The following MALRD1 variants were observed in gnomAD, a reference collection of about 807,000 sequenced individuals.
MALRD1 encodes MAM and LDL-receptor class A domain-containing protein 1.
A neutral mutation model predicts 242.1 loss-of-function variants in MALRD1; 247 were observed. That is an observed-to-expected ratio of 1.02 (90% CI 0.92 to 1.13). The LOEUF (loss-of-function observed/expected upper bound fraction) is 1.13, where lower values mean the gene tolerates loss of function less well. Among genes scored for constraint, MALRD1 ranks in the 50% most tolerant of loss-of-function variants. MALRD1 has a pLI of 0.00. For missense variants in MALRD1, 2,989 were observed against 2,533.1 expected, an observed-to-expected ratio of 1.18 and a Z score of -3.86; for synonymous variants, 995 against 866.6, an observed-to-expected ratio of 1.15 and a Z score of -2.60.
At chr10:19,599,518 C>G (rs1166321300) in intron 34 of MALRD1, among the ~76,000 whole-genome samples, 1 of 152,126 alleles carries the variant, frequency 6.6e-6, no homozygotes, top group Admixed American at 6.6e-5. Context: ...ACTAGAAACA[C>G]TCTTTTCACT....
chr10:19,491,489 C>T lies in MALRD1; in HGVS notation c.5030-28C>T, dbSNP rs913703619. ...GTCTAATGAAAATATTGATGGAATA[C>T]TGCTTTTGTTTTTTTGTTTTTCCCT... On this transcript the variant is annotated intron_variant, in intron 29 of 39. Coordinates refer to ENST00000454679, the MANE Select transcript of MALRD1 (RefSeq NM_001142308.3). 5.8e-6 allele frequency: 9 copies of T among 1,545,298 alleles called. No homozygotes were observed. In the African/African-American group the frequency reaches 1.2e-4, roughly 21 times the overall value.
intron 38 of MALRD1, among the ~76,000 whole-genome samples, chr10:19,716,307 G>A (rs1210800099): frequency 6.6e-6 from 1 of 152,144 alleles, no homozygotes; most frequent in African/African-American, 2.4e-5. Flanking sequence ...AATCATGGGG[G>A]TGGAGTTTTC....
At chr10:19,616,436 G>A (rs1185039739) in intron 36 of MALRD1, among the ~76,000 whole-genome samples, 2 of 151,942 alleles carry the variant, frequency 1.3e-5, no homozygotes, top group African/African-American at 2.4e-5. Context: ...AACAAAAATA[G>A]GCGTTGTGAT....
At chr10:19,146,697 T>G (rs1017722181) in intron 11 of MALRD1, among the ~76,000 whole-genome samples, 8 of 152,242 alleles carry the variant, frequency 5.3e-5, no homozygotes, top group Non-Finnish European at 7.3e-5. Context: ...AAAAATAGTC[T>G]AATCTTGTTT....
intron 14 of MALRD1, among the ~76,000 whole-genome samples, chr10:19,184,616 T>G (rs1463808311): frequency 3.3e-5 from 5 of 152,278 alleles, no homozygotes; most frequent in South Asian, 4.1e-4. Flanking sequence ...TGGTGCGATC[T>G]TGGCTCACTG....
intron 28 of MALRD1, among the ~76,000 whole-genome samples, chr10:19,409,515 G>A (rs1429461556): frequency 6.6e-6 from 1 of 152,046 alleles, no homozygotes; most frequent in East Asian, 1.9e-4. Flanking sequence ...GTTAAGGAGG[G>A]AAATGGGATA....
chr10:19,674,864 T>C (rs1380354188), intron 36 of MALRD1, among the ~76,000 whole-genome samples: 7 of 152,018 alleles, frequency 4.6e-5, no homozygotes, highest in Admixed American at 4.6e-4. Context: ...TCTTCCTTTT[T>C]TTTTTCTATC....
At chr10:19,339,319 C>T (rs1843736755) in intron 24 of MALRD1, among the ~76,000 whole-genome samples, 1 of 152,108 alleles carries the variant, frequency 6.6e-6, no homozygotes, top group Non-Finnish European at 1.5e-5. Flanking sequence ...TTACTAGCTG[C>T]TCAGTTCTTT....
chr10:19,065,246 C>T (rs1834936493), intron 1 of MALRD1, among the ~76,000 whole-genome samples: 2 of 123,684 alleles, frequency 1.6e-5, no homozygotes, highest in Admixed American at 2.1e-4. Flanking sequence ...AAGATCGTGC[C>T]ATTGGACTCC....
chr10:19,204,310 C>A lies in MALRD1; in HGVS notation c.2107C>A (p.His703Asn). Residue 703 changes from histidine to asparagine, a missense_variant and splice_region_variant, in exon 16 of 40, where the codon CAT (histidine) becomes AAT (asparagine). Coordinates refer to ENST00000454679, the MANE Select transcript of MALRD1 (RefSeq NM_001142308.3). Reference protein sequence around the residue: ...RDHSLNASQGHFMFILKKSSS... With the variant: ...RDHSLNASQGNFMFILKKSSS... Reference sequence around the variant, plus strand: ...TTTTTTTTTTTTTATCTCAACAGGGCATTTTATGTTCATTCTGAAGAAAAG... The same window carrying A: ...TTTTTTTTTTTTTATCTCAACAGGGAATTTTATGTTCATTCTGAAGAAAAG... 1 of 1,409,066 alleles carries A rather than the reference C, an allele frequency of 7.1e-7. No individual in the cohort carries two copies. Among genetic ancestry groups the A allele is most frequent in the Non-Finnish European group, 9.5e-7 (1 of 1,049,550 alleles). 87.3% of individuals were successfully genotyped at this position (1,409,066 alleles called of 1,614,324 possible).
At chr10:19,393,160 G>C (rs979494942) in intron 28 of MALRD1, among the ~76,000 whole-genome samples, 6 of 152,014 alleles carry the variant, frequency 3.9e-5, no homozygotes, top group Admixed American at 3.3e-4. Flanking sequence ...AAATAACTGG[G>C]CCCTATCTTT....
intron 18 of MALRD1, among the ~76,000 whole-genome samples, chr10:19,251,700 C>T (rs556250316): frequency 4.8e-4 from 73 of 152,088 alleles, no homozygotes; most frequent in African/African-American, 1.8e-3. Context: ...CTATGGGAAC[C>T]AGACATGGGA....
intron 26 of MALRD1, among the ~76,000 whole-genome samples, chr10:19,361,568 A>G (rs1000987091): frequency 5.3e-5 from 8 of 152,158 alleles, no homozygotes; most frequent in Admixed American, 3.3e-4. Context: ...ATTATGTGCT[A>G]CGTAACTAGG....
At chr10:19,055,542 T>C (rs1834637997) in intron 1 of MALRD1, among the ~76,000 whole-genome samples, 3 of 152,158 alleles carry the variant, frequency 2.0e-5, no homozygotes, top group Admixed American at 1.3e-4. Context: ...TTTAAGGTCT[T>C]ATATTTAAGT....
At chr10:19,105,918 C>A (rs1241995792) in intron 5 of MALRD1, among the ~76,000 whole-genome samples, 1 of 151,804 alleles carries the variant, frequency 6.6e-6, no homozygotes, top group Admixed American at 6.6e-5. Flanking sequence ...TGAGAATTGA[C>A]CCCTTATTAG....
At chr10:19,157,539 A>G (rs570735231) in intron 12 of MALRD1, among the ~76,000 whole-genome samples, 25 of 152,106 alleles carry the variant, frequency 1.6e-4, no homozygotes, top group African/African-American at 2.6e-4. Flanking sequence ...GAGCCACCGC[A>G]CCCAGTCGAT....
At chr10:19,312,222 G>T (rs903927229) in intron 21 of MALRD1, among the ~76,000 whole-genome samples, 4 of 151,290 alleles carry the variant, frequency 2.6e-5, no homozygotes, top group Non-Finnish European at 4.4e-5. Context: ...AGGAGGTTAA[G>T]AACTAGAACA....
chr10:19,209,869 A>G (rs1423538808), intron 18 of MALRD1, among the ~76,000 whole-genome samples, 189 bp downstream of exon 18: 1 of 152,124 alleles, frequency 6.6e-6, no homozygotes, highest in Non-Finnish European at 1.5e-5. Flanking sequence ...ACCCCCAATG[A>G]TGTAAGATTA....
intron 38 of MALRD1, among the ~76,000 whole-genome samples, chr10:19,715,645 C>A (rs971520783): frequency 6.6e-6 from 1 of 152,090 alleles, no homozygotes; most frequent in East Asian, 1.9e-4. Context: ...TAAAGAAATA[C>A]CTGAGGGTGG....
Sources: gnomAD v4.1 joint callset for allele counts (sites outside exome capture counted in the v4.1 genomes callset) on GRCh38, gnomAD v4.1.1 for gene constraint, MANE v1.5 for transcripts, NCBI Gene and HGNC (gene_info 2026-07-23, HGNC 2026-07-21) for gene names.